PTPRZ1: variants seen among roughly 807,000 people sequenced by gnomAD.
PTPRZ1 encodes the protein receptor-type tyrosine-protein phosphatase zeta.
A neutral mutation model predicts 214.1 loss-of-function variants in PTPRZ1; 82 were observed. The observed-to-expected ratio is 0.38, with a 90% CI of 0.32 to 0.46. The LOEUF is 0.46. PTPRZ1 is among the 20% of genes least tolerant of loss of function. PTPRZ1 has a pLI of 1.00. For missense variants in PTPRZ1, 2,603 were observed against 2,748.7 expected (o/e 0.95, Z 1.19); for synonymous variants, 945 against 987.9 (o/e 0.96, Z 0.81).
At chr7:121,961,114 G>T (rs1269228793) in intron 2 of PTPRZ1, among the ~76,000 whole-genome samples, 1 of 152,298 alleles carries the variant, frequency 6.6e-6, no homozygotes, top group Admixed American at 6.5e-5. Context: ...AATAGGAGAT[G>T]TCTATGAAAA....
In PTPRZ1 at chr7:122,011,029, A is replaced by G; in HGVS notation, c.1983A>G (p.Thr661=). ...NVWFPSSTDI[T]AQPDVGSGRE... is the part of the protein sequence containing the mutation. The stretch of plus-strand genomic sequence containing the variant: ...GGTTTCCTAGCTCTACAGACATAAC[A>G]GCACAGCCCGATGTTGGATCAGGCA... The change falls in exon 12 of 30, where the codon ACA becomes ACG. Residue 661 remains threonine, a synonymous_variant. Coordinates refer to ENST00000393386, the MANE Select transcript of PTPRZ1 (RefSeq NM_002851.3). The G allele has an allele frequency of 6.2e-7, 1 of 1,614,128 alleles. No individual in the cohort carries two copies. The highest frequency in any genetic ancestry group is 2.2e-5 in the East Asian group (1 of 44,880).
intron 1 of PTPRZ1, among the ~76,000 whole-genome samples, chr7:121,877,566 C>T (rs989152063): frequency 6.6e-6 from 1 of 152,146 alleles, no homozygotes; most frequent in African/African-American, 2.4e-5. Flanking sequence ...TCCAGCCATG[C>T]TACTTTAACT....
rs911955813 is a variant in PTPRZ1, at chr7:122,004,277, G to A, written c.1241-337G>A. 4.6e-5 allele frequency among the ~76,000 whole-genome samples: 7 copies of A among 152,156 alleles called. No individual in the cohort carries two copies. In the East Asian group the frequency reaches 7.7e-4, roughly 17 times the overall value. The stretch of plus-strand genomic sequence containing the variant: ...TCTGTACTGATGAAAAATTATTTGC[G>A]TTTCTTTACACTCAGTTTTATCAGT... On this transcript the variant is annotated intron_variant, in intron 10 of 29. Transcript: ENST00000393386.
chr7:121,954,956 G>A (rs1469501735), intron 2 of PTPRZ1, among the ~76,000 whole-genome samples: 1 of 152,192 alleles, frequency 6.6e-6, no homozygotes, highest in Admixed American at 6.5e-5. Flanking sequence ...TGTGATAAGT[G>A]TATACAGAAA....
chr7:121,884,391 T>A, intron 1 of PTPRZ1, among the ~76,000 whole-genome samples: 1 of 152,236 alleles, frequency 6.6e-6, no homozygotes, highest in East Asian at 1.9e-4. Flanking sequence ...CGTGTATATT[T>A]CATATATATG....
In PTPRZ1 at chr7:121,984,676, TAAG is replaced by T. The variant is rs142819641; in HGVS notation, c.928+563_928+565del. Among the ~76,000 whole-genome samples, 1,068 of 152,218 alleles carry T rather than the reference TAAG, an allele frequency of 7.0e-3. 40 individuals carry two copies. The East Asian group carries it at 0.081, about 12-fold the overall frequency. On this transcript the variant is annotated intron_variant, in intron 8 of 29. Coordinates refer to ENST00000393386, the MANE Select transcript of PTPRZ1 (RefSeq NM_002851.3). Reference sequence around the variant, plus strand: ...ATAAATGCACTGAGTTATTAATGAATAAGAAGTGAATCTTCTTCCCAGTTTCCT... The same window carrying T: ...ATAAATGCACTGAGTTATTAATGAATAAGTGAATCTTCTTCCCAGTTTCCT...
intron 1 of PTPRZ1, among the ~76,000 whole-genome samples, chr7:121,921,105 CATT>C (rs1795584982): frequency 6.6e-6 from 1 of 152,052 alleles, no homozygotes; most frequent in African/African-American, 2.4e-5. Flanking sequence ...AATAGGCATG[CATT>C]ATTATGTCAT....
chr7:121,959,070 G>A (rs182125829), intron 2 of PTPRZ1, among the ~76,000 whole-genome samples: 1,599 of 152,220 alleles, frequency 0.011, 23 homozygotes, highest in African/African-American at 0.035. Flanking sequence ...TGATCCGCCC[G>A]TCTCGGCCTC....
At chr7:122,055,624 A>G (rs1792325076) in intron 27 of PTPRZ1, among the ~76,000 whole-genome samples, 2 of 151,896 alleles carry the variant, frequency 1.3e-5, no homozygotes, top group African/African-American at 2.4e-5. Context: ...AGTCTTGGTT[A>G]TCTATTACAC....
chr7:122,043,747 G>T (rs1382364698), intron 22 of PTPRZ1, among the ~76,000 whole-genome samples: 1 of 152,082 alleles, frequency 6.6e-6, no homozygotes, highest in African/African-American at 2.4e-5. Flanking sequence ...ACACACTGGG[G>T]CCTTTCAGAG....
chr7:122,041,645 G>A (rs1799736605), intron 21 of PTPRZ1, among the ~76,000 whole-genome samples: 1 of 152,158 alleles, frequency 6.6e-6, no homozygotes, highest in Admixed American at 6.5e-5. Context: ...AATAATAGCA[G>A]TTAATATTTA....
At chr7:122,023,638 TTATA>T in intron 13 of PTPRZ1, among the ~76,000 whole-genome samples, 1 of 131,034 alleles carries the variant, frequency 7.6e-6, no homozygotes, top group Middle Eastern at 3.8e-3. Context: ...ATGTATAATT[TTATA>T]TATAATTATA....
At chr7:121,961,966 T>A (rs891468577) in intron 2 of PTPRZ1, among the ~76,000 whole-genome samples, 14 of 152,222 alleles carry the variant, frequency 9.2e-5, no homozygotes, top group African/African-American at 3.4e-4. Flanking sequence ...ATCAGCCTGA[T>A]AATCTGCTGC....
intron 1 of PTPRZ1, among the ~76,000 whole-genome samples, chr7:121,921,572 TA>T (rs1795597857): frequency 6.6e-6 from 1 of 152,198 alleles, no homozygotes; most frequent in Non-Finnish European, 1.5e-5. Context: ...ATAAAGAGGT[TA>T]CCTGGACTCT....
intron 14 of PTPRZ1, 100 bp from the exon 15 acceptor site, chr7:122,031,374 T>C (rs1234087284): frequency 3.7e-6 from 3 of 808,278 alleles, no homozygotes; most frequent in South Asian, 1.6e-5. Flanking sequence ...GTTAGAATTA[T>C]ACAAATAATT....
chr7:122,045,017 A>G (rs1010887612), intron 23 of PTPRZ1, among the ~76,000 whole-genome samples: 1 of 152,120 alleles, frequency 6.6e-6, no homozygotes, highest in Admixed American at 6.5e-5. Context: ...CACTGGAATA[A>G]TAGCTTCTTC....
At chr7:122,007,230 A>C (rs1055815171) in intron 11 of PTPRZ1, among the ~76,000 whole-genome samples, 3 of 152,162 alleles carry the variant, frequency 2.0e-5, no homozygotes, top group African/African-American at 4.8e-5. Context: ...TTCTTATGAC[A>C]TTAGGCTTAT....
At chr7:121,885,476 A>G (rs1386506595) in intron 1 of PTPRZ1, among the ~76,000 whole-genome samples, 1 of 152,192 alleles carries the variant, frequency 6.6e-6, no homozygotes, top group Non-Finnish European at 1.5e-5. Context: ...GTATGTTGCC[A>G]TTAAATCCTT....
At chr7:121,988,379 T>C (rs1156872751) in intron 8 of PTPRZ1, among the ~76,000 whole-genome samples, 1 of 152,206 alleles carries the variant, frequency 6.6e-6, no homozygotes, top group African/African-American at 2.4e-5. Flanking sequence ...TCAGGTCATG[T>C]TGGTTGGATG....
Sources: gnomAD v4.1 joint callset for allele counts (sites outside exome capture counted in the v4.1 genomes callset) on GRCh38, gnomAD v4.1.1 for gene constraint, MANE v1.5 for transcripts, NCBI Gene and HGNC (gene_info 2026-07-23, HGNC 2026-07-21) for gene names.